Variants in SNTG1 observed in about 807,000 individuals in gnomAD.
The protein encoded by SNTG1 is gamma-1-syntrophin.
SNTG1 carries 39 observed loss-of-function variants against 74.7 expected under a neutral mutation model. The ratio of observed to expected loss-of-function variants is 0.52; its 90% confidence interval spans 0.40 to 0.68. SNTG1 has a LOEUF of 0.68. SNTG1 is among the 30% of genes least tolerant of loss of function. The pLI is 0.00. For synonymous variants in SNTG1, 254 were observed against 217.1 expected, an observed-to-expected ratio of 1.17 and a Z score of -1.49; for missense variants, 685 against 609.5, an observed-to-expected ratio of 1.12 and a Z score of -1.30.
At chr8:50,094,792 A>C (rs2079867074) in intron 1 of SNTG1, among the ~76,000 whole-genome samples, 1 of 152,196 alleles carries the variant, frequency 6.6e-6, no homozygotes. Context: ...TGGACCCAGC[A>C]ATCTCATTAC....
chr8:50,710,238 G>A (rs1207964407), intron 17 of SNTG1, among the ~76,000 whole-genome samples: 1 of 152,154 alleles, frequency 6.6e-6, no homozygotes, highest in East Asian at 1.9e-4. Context: ...TTCACATCAT[G>A]ACAAAGGAAT....
chr8:50,114,385 G>T (rs1343612704), intron 1 of SNTG1, among the ~76,000 whole-genome samples: 2 of 152,140 alleles, frequency 1.3e-5, no homozygotes, highest in Admixed American at 6.6e-5. Context: ...CAATATGGAT[G>T]AACCTGGAGG....
At chr8:50,279,287 A>G (rs1162174278) in intron 2 of SNTG1, among the ~76,000 whole-genome samples, 1 of 152,160 alleles carries the variant, frequency 6.6e-6, no homozygotes, top group Non-Finnish European at 1.5e-5. Context: ...AATGGCCTTG[A>G]GAAAACTCTT....
chr8:50,067,772 T>C (rs990558177), intron 1 of SNTG1, among the ~76,000 whole-genome samples: 4 of 152,140 alleles, frequency 2.6e-5, no homozygotes, highest in Admixed American at 1.3e-4. Context: ...TCCAGATTCA[T>C]GGATTGCTTA....
intron 3 of SNTG1, among the ~76,000 whole-genome samples, chr8:50,396,865 A>C (rs2092734535): frequency 6.6e-6 from 1 of 152,218 alleles, no homozygotes; most frequent in African/African-American, 2.4e-5. Context: ...AGAAACTACA[A>C]ATTCTTAATA....
rs368334171 is a variant in SNTG1 at position 50,716,522 on chromosome 8, C to A, written c.1284+7544C>A. On this transcript the variant is annotated intron_variant, in intron 17 of 18. Transcript: ENST00000642720. Reference sequence around the variant, plus strand: ...TCTTTGCTTTTAGGGAAATGAAGAACATTGTATTTATTGCAAAACGAACTC... The same window carrying A: ...TCTTTGCTTTTAGGGAAATGAAGAAAATTGTATTTATTGCAAAACGAACTC... Among the ~76,000 whole-genome samples, 59 of 152,034 alleles carry A rather than the reference C, an allele frequency of 3.9e-4. 1 individual carries two copies. The East Asian group carries it at 0.011, about 28-fold the overall frequency.
At chr8:49,918,215 A>C (rs1244113177) in intron 1 of SNTG1, among the ~76,000 whole-genome samples, 1 of 152,238 alleles carries the variant, frequency 6.6e-6, no homozygotes, top group Admixed American at 6.5e-5. Context: ...TGAGTGGCTG[A>C]GATAAAATAG....
intron 2 of SNTG1, among the ~76,000 whole-genome samples, chr8:50,216,973 T>C (rs1404825197): frequency 1.3e-5 from 2 of 151,578 alleles, no homozygotes; most frequent in Non-Finnish European, 2.9e-5. Context: ...ATTTATTGAG[T>C]TTGGGAGAAA....
intron 1 of SNTG1, among the ~76,000 whole-genome samples, chr8:49,981,495 G>A (rs2130142669): frequency 6.6e-6 from 1 of 152,206 alleles, no homozygotes; most frequent in Middle Eastern, 3.4e-3. Context: ...ACTATTGTTT[G>A]TAAGGGCATT....
At position 50,553,174 on chromosome 8, in the gene SNTG1, C is replaced by T. The variant is rs750411647; in HGVS notation, c.805C>T (p.His269Tyr). 1.1e-5 allele frequency: 17 copies of T among 1,613,642 alleles called. No homozygotes were observed. The South Asian group carries it at 1.8e-4, about 17-fold the overall frequency. Residue 269 changes from histidine to tyrosine, a missense_variant, in exon 12 of 19, where the codon CAC becomes TAC. Physicochemically the swap from His to Tyr is moderately conservative, Grantham distance 83. Coordinates refer to ENST00000642720, the MANE Select transcript of SNTG1 (RefSeq NM_018967.5). The part of the protein sequence containing the change: ...IATNISNLTK[H>Y]NIKKINRNFP... ...AACTAACATTTCAAATCTCACAAAG[C>T]ACAATGTAAGTAATGATTCAAGGAA...
intron 9 of SNTG1, among the ~76,000 whole-genome samples, chr8:50,508,404 A>T (rs2094029911): frequency 6.6e-6 from 1 of 152,230 alleles, no homozygotes; most frequent in Non-Finnish European, 1.5e-5. Context: ...TCTTTATAGC[A>T]GCATGACTTA....
chr8:50,162,562 A>G, intron 1 of SNTG1, among the ~76,000 whole-genome samples: 1 of 148,216 alleles, frequency 6.7e-6, no homozygotes, highest in South Asian at 2.1e-4. Context: ...TCTGTCTCAA[A>G]AAAAAAAAAA....
chr8:50,093,317 T>A (rs776610005), intron 1 of SNTG1, among the ~76,000 whole-genome samples: 2 of 152,142 alleles, frequency 1.3e-5, no homozygotes, highest in African/African-American at 4.8e-5. Context: ...ACTGTAACAA[T>A]CATCCATTAA....
chr8:49,984,275 G>A (rs1041689169), intron 1 of SNTG1, among the ~76,000 whole-genome samples: 4 of 151,574 alleles, frequency 2.6e-5, no homozygotes, highest in African/African-American at 4.9e-5. Context: ...ACATGATCTC[G>A]GCTCACTGCA....
At position 50,782,730 on chromosome 8, in the gene SNTG1, T is replaced by G. The variant is rs187113272; in HGVS notation, c.1396-9941T>G. Among the ~76,000 whole-genome samples the G allele has an allele frequency of 2.4e-3, 373 of 152,310 alleles. 6 individuals are homozygous for G. The highest frequency in any genetic ancestry group is 0.022 in the Admixed American group (339 of 15,286). On this transcript the variant is annotated intron_variant, in intron 18 of 18. Transcript: ENST00000642720. ...TGTCAAAGTCATTCTCCATCCAGCT[T>G]TGTTCCGTTGCTGGTGAGGAGCTGC...
chr8:49,948,924 C>T (rs950787620), intron 1 of SNTG1, among the ~76,000 whole-genome samples: 2 of 152,198 alleles, frequency 1.3e-5, no homozygotes, highest in African/African-American at 4.8e-5. Context: ...CCTGCTACTT[C>T]TTCCCTGATC....
At chr8:50,401,079 T>G (rs944324025) in intron 3 of SNTG1, among the ~76,000 whole-genome samples, 1 of 152,120 alleles carries the variant, frequency 6.6e-6, no homozygotes, top group Non-Finnish European at 1.5e-5. Flanking sequence ...ACTTACTATG[T>G]GCTAAATTTT....
chr8:50,206,715 G>A (rs541352032), intron 2 of SNTG1, among the ~76,000 whole-genome samples: 40 of 152,202 alleles, frequency 2.6e-4, no homozygotes, highest in African/African-American at 9.6e-4. Context: ...GTCATAAATA[G>A]CTCTTATATT....
At chr8:50,157,532 C>A (rs536018266) in intron 1 of SNTG1, among the ~76,000 whole-genome samples, 13 of 152,108 alleles carry the variant, frequency 8.5e-5, no homozygotes, top group African/African-American at 2.9e-4. Flanking sequence ...AAAACTTATT[C>A]TTCGCATAAT....
Sources: gnomAD v4.1 joint callset for allele counts (sites outside exome capture counted in the v4.1 genomes callset) on GRCh38, gnomAD v4.1.1 for gene constraint, MANE v1.5 for transcripts, NCBI Gene and HGNC (gene_info 2026-07-23, HGNC 2026-07-21) for gene names.